SPATS2L: variants seen among roughly 807,000 people sequenced by gnomAD.
The protein encoded by SPATS2L is spermatogenesis associated serine rich 2 like.
A neutral mutation model predicts 59.6 loss-of-function variants in SPATS2L; 30 were observed. The ratio of observed to expected loss-of-function variants is 0.50; its 90% confidence interval spans 0.38 to 0.68. The LOEUF (loss-of-function observed/expected upper bound fraction) is 0.68. Ranked by LOEUF, SPATS2L falls within the 30% of genes least tolerant of loss-of-function variation. SPATS2L has a pLI of 0.00. For missense variants in SPATS2L, 615 were observed against 700.0 expected, an observed-to-expected ratio of 0.88 and a Z score of 1.37; for synonymous variants, 252 against 263.5, an observed-to-expected ratio of 0.96 and a Z score of 0.42.
chr2:200,326,896 G>A (rs1161531209), intron 1 of SPATS2L, among the ~76,000 whole-genome samples: 2 of 141,326 alleles, frequency 1.4e-5, no homozygotes, highest in East Asian at 2.2e-4. Flanking sequence ...CACCATGCCC[G>A]GCTAATTTTT....
chr2:200,389,317 TCCAA>T, intron 3 of SPATS2L, 34 bp downstream of exon 3: 2 of 1,486,152 alleles, frequency 1.3e-6, no homozygotes, highest in Non-Finnish European at 1.8e-6. Flanking sequence ...TCACAGAAAC[TCCAA>T]ACTAGGTAAT....
rs573649789 is a variant in SPATS2L at position 200,439,781 on chromosome 2, G to A, written c.652+453G>A. Among the ~76,000 whole-genome samples, 11 of 152,232 alleles carry A rather than the reference G, an allele frequency of 7.2e-5. No individual in the cohort carries two copies. In the East Asian group the frequency reaches 2.1e-3, roughly 29 times the overall value. ...GTCTTCCCAATGTAAATTCAGTTCT[G>A]TGTTAGAATTTACACACAATGTAAC... On this transcript the variant is annotated intron_variant, in intron 7 of 12. Coordinates refer to ENST00000409140, the MANE Select transcript of SPATS2L (RefSeq NM_001100423.2).
chr2:200,324,479 T>A (rs1443444715), intron 1 of SPATS2L, among the ~76,000 whole-genome samples: 1 of 152,202 alleles, frequency 6.6e-6, no homozygotes, highest in Non-Finnish European at 1.5e-5. Flanking sequence ...AGGGAACTAT[T>A]CTGAATTTCC....
intron 8 of SPATS2L, among the ~76,000 whole-genome samples, chr2:200,449,359 C>G (rs2085285980): frequency 6.6e-6 from 1 of 152,250 alleles, no homozygotes; most frequent in South Asian, 2.1e-4. Context: ...CCTTCCTGAG[C>G]TACACGTGTG....
At chr2:200,317,422 A>G (rs1159849891) in intron 1 of SPATS2L, among the ~76,000 whole-genome samples, 2 of 152,240 alleles carry the variant, frequency 1.3e-5, no homozygotes, top group Admixed American at 1.3e-4. Flanking sequence ...TAAAATGCAA[A>G]TGCTATGGAG....
intron 3 of SPATS2L, among the ~76,000 whole-genome samples, chr2:200,401,354 A>G (rs910175661): frequency 3.3e-5 from 5 of 152,282 alleles, no homozygotes; most frequent in African/African-American, 1.2e-4. Context: ...GTTCTGAGCC[A>G]CAAAATTTTG....
intron 6 of SPATS2L, among the ~76,000 whole-genome samples, chr2:200,422,996 C>T (rs2083378728): frequency 6.6e-6 from 1 of 152,142 alleles, no homozygotes; most frequent in African/African-American, 2.4e-5. Flanking sequence ...ATCACCAAGA[C>T]AGCCACTAAA....
intron 9 of SPATS2L, among the ~76,000 whole-genome samples, chr2:200,460,541 C>T (rs1287299271): frequency 6.6e-6 from 1 of 151,898 alleles, no homozygotes; most frequent in Non-Finnish European, 1.5e-5. Flanking sequence ...GTCAGGAGAT[C>T]GAGACCATCC....
chr2:200,324,138 C>T (rs896359669), intron 1 of SPATS2L, among the ~76,000 whole-genome samples: 2 of 152,182 alleles, frequency 1.3e-5, no homozygotes, highest in African/African-American at 4.8e-5. Flanking sequence ...TTTATGGCCT[C>T]CCATACAGTC....
In SPATS2L at chr2:200,477,688, G is replaced by A; in HGVS notation, c.1334G>A (p.Arg445Lys). 6.4e-7 allele frequency: 1 copy of A among 1,566,058 alleles called. No individual in the cohort carries two copies. Among genetic ancestry groups the A allele is most frequent in the Non-Finnish European group, 8.7e-7 (1 of 1,154,724 alleles). ...TTTAATCCACAGTATCATAACAACA[G>A]GCTAAATGGGCCTGCCAAGTCGCAG... Reference protein sequence around the residue: ...RRFNPQYHNNRLNGPAKSQGS... With the variant: ...RRFNPQYHNNKLNGPAKSQGS... Residue 445 changes from arginine (R) to lysine (K), a missense_variant, in exon 13 of 13, where the codon AGG becomes AAG. Physicochemically the swap from Arg to Lys is conservative, Grantham distance 26. Around this residue, in one of 3 missense-constraint regions of SPATS2L, gnomAD observed 284 missense variants for 280.1 expected, o/e 1.01. Transcript: ENST00000409140.
At chr2:200,466,735 G>A (rs974392922) in intron 9 of SPATS2L, among the ~76,000 whole-genome samples, 9 of 152,218 alleles carry the variant, frequency 5.9e-5, no homozygotes, top group Non-Finnish European at 1.0e-4. Context: ...CATATCTGCA[G>A]AGTATCAAAA....
intron 2 of SPATS2L, among the ~76,000 whole-genome samples, chr2:200,339,321 A>G (rs2105815416): frequency 6.6e-6 from 1 of 152,158 alleles, no homozygotes. Context: ...ACCCTATAGC[A>G]TGCTTCCTGT....
chr2:200,471,459 C>T (rs923517911), intron 11 of SPATS2L, among the ~76,000 whole-genome samples: 49 of 151,368 alleles, frequency 3.2e-4, no homozygotes, highest in African/African-American at 7.9e-4. Flanking sequence ...CCCTTCACCT[C>T]CTTTCCTCCT....
At chr2:200,334,799 G>T (rs556053808) in intron 2 of SPATS2L, among the ~76,000 whole-genome samples, 2 of 152,170 alleles carry the variant, frequency 1.3e-5, no homozygotes, top group Non-Finnish European at 2.9e-5. Flanking sequence ...TTTTTGTCAG[G>T]TTTGTCAACG....
At chr2:200,447,760 G>A (rs931283734) in intron 8 of SPATS2L, among the ~76,000 whole-genome samples, 9 of 152,180 alleles carry the variant, frequency 5.9e-5, no homozygotes, top group African/African-American at 9.7e-5. Context: ...AACAAGGCAT[G>A]TTTATAATAG....
intron 2 of SPATS2L, among the ~76,000 whole-genome samples, chr2:200,342,411 A>G (rs1317522384): frequency 6.6e-6 from 1 of 152,248 alleles, no homozygotes; most frequent in East Asian, 1.9e-4. Flanking sequence ...CAAGCTTAAC[A>G]GGAGACTGGT....
chr2:200,313,283 A>G (rs1045161317), intron 1 of SPATS2L, among the ~76,000 whole-genome samples: 1 of 152,240 alleles, frequency 6.6e-6, no homozygotes, highest in African/African-American at 2.4e-5. Flanking sequence ...TAATCTACCA[A>G]GACCACAGAT....
At chr2:200,365,545 C>G (rs2081243096) in intron 2 of SPATS2L, among the ~76,000 whole-genome samples, 1 of 152,222 alleles carries the variant, frequency 6.6e-6, no homozygotes, top group South Asian at 2.1e-4. Context: ...GTGATATACT[C>G]AGGCTAACAA....
chr2:200,420,313 T>C (rs1009090287), intron 6 of SPATS2L, among the ~76,000 whole-genome samples: 1 of 152,128 alleles, frequency 6.6e-6, no homozygotes, highest in Admixed American at 6.5e-5. Context: ...ATGCATAATA[T>C]AACCTACCTA....
Sources: allele counts gnomAD v4.1 joint callset (sites outside exome capture counted in the v4.1 genomes callset), GRCh38; gene constraint gnomAD v4.1.1; regional missense constraint gnomAD v4.1.1; transcripts MANE v1.5; gene names NCBI Gene and HGNC (gene_info 2026-07-23, HGNC 2026-07-21).